Variants in NALF1 observed in about 807,000 individuals in gnomAD.
NALF1 encodes the protein NALCN channel auxiliary factor 1.
A neutral mutation model predicts 48.4 loss-of-function variants in NALF1; 3 were observed. That is an observed-to-expected ratio of 0.06 (90% CI 0.03 to 0.16). The LOEUF is 0.16. NALF1 is among the 10% of genes least tolerant of loss of function. NALF1 has a pLI of 1.00. For synonymous variants in NALF1, 262 were observed against 245.7 expected (o/e 1.07, Z -0.62); for missense variants, 526 against 571.5 (o/e 0.92, Z 0.81).
Position 107,484,017 on chromosome 13 carries a change from G to A in NALF1, c.916-273262C>T, listed in dbSNP as rs7994810. Among the ~76,000 whole-genome samples, 748 of 151,814 alleles carry A rather than the reference G, an allele frequency of 4.9e-3. 8 individuals are homozygous for A. Among genetic ancestry groups the A allele is most frequent in the African/African-American group, 0.017 (693 of 41,438 alleles). On this transcript the variant is annotated intron_variant, in intron 1 of 2. Coordinates refer to ENST00000375915, the MANE Select transcript of NALF1 (RefSeq NM_001080396.3). The stretch of plus-strand genomic sequence containing the variant: ...TTGAAGATTAAATGTTTTATTCACC[G>A]TTTAACAGCAAGTAAATGGAAAAGT...
chr13:107,264,614 ATCAGTTTCGACCCCTTGCCT>A (rs1213993139), intron 1 of NALF1, among the ~76,000 whole-genome samples: 2 of 152,224 alleles, frequency 1.3e-5, no homozygotes, highest in Non-Finnish European at 2.9e-5. Flanking sequence ...GCAACCCAAC[ATCAGTTTCGACCCCTTGCCT>A]TAGAAGGAAC....
chr13:107,323,766 T>C (rs1224870815), intron 1 of NALF1, among the ~76,000 whole-genome samples: 2 of 152,202 alleles, frequency 1.3e-5, no homozygotes, highest in East Asian at 3.9e-4. Flanking sequence ...CCTGGTCTTA[T>C]GTTTATCCTT....
chr13:107,670,204 CAATTAGGTG>C (rs1204420324), intron 1 of NALF1, among the ~76,000 whole-genome samples: 1 of 152,040 alleles, frequency 6.6e-6, no homozygotes, highest in Non-Finnish European at 1.5e-5. Flanking sequence ...AAACAGGCAT[CAATTAGGTG>C]AATTTAAATG....
chr13:107,732,295 C>T (rs141661581), intron 1 of NALF1, among the ~76,000 whole-genome samples: 8 of 152,086 alleles, frequency 5.3e-5, no homozygotes, highest in Non-Finnish European at 1.2e-4. Context: ...AAACAATATA[C>T]CCATGGTATC....
chr13:107,312,626 G>A (rs1882069684), intron 1 of NALF1, among the ~76,000 whole-genome samples: 1 of 152,092 alleles, frequency 6.6e-6, no homozygotes. Context: ...TCTGCACTTA[G>A]AAATTGTAGC....
At chr13:107,625,110 C>T (rs982092922) in intron 1 of NALF1, among the ~76,000 whole-genome samples, 4 of 152,102 alleles carry the variant, frequency 2.6e-5, no homozygotes, top group African/African-American at 9.7e-5. Flanking sequence ...GCAGAACTCA[C>T]ACACGGAGTA....
intron 1 of NALF1, among the ~76,000 whole-genome samples, chr13:107,700,596 A>G (rs1055763926): frequency 6.6e-6 from 1 of 152,088 alleles, no homozygotes; most frequent in Non-Finnish European, 1.5e-5. Context: ...TATTACACCA[A>G]AAGTTCAGTC....
intron 1 of NALF1, among the ~76,000 whole-genome samples, chr13:107,682,893 GTTTGT>G (rs998412584): frequency 6.6e-6 from 1 of 152,120 alleles, no homozygotes; most frequent in Non-Finnish European, 1.5e-5. Flanking sequence ...AAAAGCCTAT[GTTTGT>G]TTTAATTATA....
chr13:107,271,905 CAAAT>C (rs1488354057), intron 1 of NALF1, among the ~76,000 whole-genome samples: 5 of 150,012 alleles, frequency 3.3e-5, no homozygotes, highest in Admixed American at 6.7e-5. Context: ...AACTTTCTGA[CAAAT>C]GAATTAATAT....
At chr13:107,203,243 T>C (rs1318107509) in intron 2 of NALF1, among the ~76,000 whole-genome samples, 1 of 152,244 alleles carries the variant, frequency 6.6e-6, no homozygotes, top group Non-Finnish European at 1.5e-5. Flanking sequence ...ATCTTTCCTT[T>C]GGCTTCCCGC....
chr13:107,750,465 G>A (rs1351389818), intron 1 of NALF1, among the ~76,000 whole-genome samples: 3 of 151,920 alleles, frequency 2.0e-5, no homozygotes, highest in African/African-American at 7.3e-5. Flanking sequence ...TTTTATATCT[G>A]GATGTGTTTT....
intron 1 of NALF1, among the ~76,000 whole-genome samples, chr13:107,359,902 A>C (rs1883031413): frequency 6.6e-6 from 1 of 152,162 alleles, no homozygotes; most frequent in Non-Finnish European, 1.5e-5. Context: ...ATGCCACATC[A>C]GTTCTACTCC....
intron 1 of NALF1, among the ~76,000 whole-genome samples, chr13:107,250,305 A>C (rs1202388727): frequency 2.6e-5 from 4 of 152,236 alleles, no homozygotes; most frequent in Non-Finnish European, 4.4e-5. Flanking sequence ...AATTGAAATT[A>C]ACTAGAAACT....
At chr13:107,674,962 G>A (rs888654620) in intron 1 of NALF1, among the ~76,000 whole-genome samples, 6 of 152,130 alleles carry the variant, frequency 3.9e-5, no homozygotes, top group African/African-American at 9.7e-5. Context: ...TCAATGAGGA[G>A]GCTAAGAAGT....
At chr13:107,391,923 G>A (rs544664306) in intron 1 of NALF1, among the ~76,000 whole-genome samples, 3 of 152,076 alleles carry the variant, frequency 2.0e-5, no homozygotes, top group South Asian at 2.1e-4. Context: ...CACAGGCCAC[G>A]GTCACTCTTA....
intron 1 of NALF1, among the ~76,000 whole-genome samples, chr13:107,517,641 C>CAACAAACA (rs746597670): frequency 1.4e-5 from 2 of 145,448 alleles, no homozygotes; most frequent in Non-Finnish European, 3.0e-5. Flanking sequence ...TTTCAAACAC[C>CAACAAACA]AACAAACAAA....
chr13:107,334,832 A>C (rs1299318893), intron 1 of NALF1, among the ~76,000 whole-genome samples: 4 of 152,164 alleles, frequency 2.6e-5, no homozygotes, highest in African/African-American at 9.7e-5. Context: ...ATTGCTCTCT[A>C]AGTTCTTGTT....
intron 1 of NALF1, among the ~76,000 whole-genome samples, chr13:107,506,186 T>C (rs1052542804): frequency 2.0e-5 from 3 of 152,136 alleles, no homozygotes; most frequent in Non-Finnish European, 4.4e-5. Context: ...TGTTAACTTA[T>C]GACATGAGGA....
intron 1 of NALF1, among the ~76,000 whole-genome samples, chr13:107,596,168 T>A (rs768285759): frequency 1.9e-4 from 29 of 152,176 alleles, no homozygotes; most frequent in Non-Finnish European, 3.2e-4. Context: ...AAGGTCTCTG[T>A]CAATCTCAGG....
Sources: gnomAD v4.1 joint callset for allele counts (sites outside exome capture counted in the v4.1 genomes callset) on GRCh38, gnomAD v4.1.1 for gene constraint, MANE v1.5 for transcripts, NCBI Gene and HGNC (gene_info 2026-07-23, HGNC 2026-07-21) for gene names.